Variants in PYM1 observed in about 807,000 individuals in gnomAD.
The protein encoded by PYM1 is PYM1 exon junction complex associated factor.
Under a neutral mutation model 20.7 loss-of-function variants are expected in PYM1, and 7 were observed. The observed-to-expected ratio is 0.34, with a 90% CI of 0.19 to 0.64. The LOEUF is 0.64. PYM1 is among the 30% of genes least tolerant of loss of function. The pLI, the probability that PYM1 is intolerant of heterozygous loss-of-function variation, is 0.74. For missense variants in PYM1, 194 were observed against 250.0 expected (o/e 0.78, Z 1.51); for synonymous variants, 100 against 99.2 (o/e 1.01, Z -0.05).
intron 1 of PYM1, among the ~76,000 whole-genome samples, chr12:55,904,997 A>T (rs77027542): frequency 0.16 from 24,631 of 151,158 alleles, 2,342 homozygotes; most frequent in Admixed American, 0.21. Context: ...ATATTTATTT[A>T]TATTTATTTA....
At chr12:55,926,931 C>T (rs1014193003) in intron 1 of PYM1, 1 of 859,162 alleles carries the variant, frequency 1.2e-6, no homozygotes, top group Non-Finnish European at 1.8e-6. Flanking sequence ...GGAGACACCC[C>T]GTAGGAGAGA....
rs764591757 is a variant in PYM1 at position 55,902,182 on chromosome 12, T to A, written c.305A>T (p.Glu102Val). The change falls in exon 3 of 3, where the codon GAG (glutamate) becomes GTG (valine). Residue 102 changes from glutamate (E) to valine (V), a missense_variant. Glu to Val is a moderately radical substitution (Grantham distance 121). Coordinates refer to ENST00000408946, the MANE Select transcript of PYM1 (RefSeq NM_032345.3). ...GCTCAAGGCCTCTGCCTCTCCTTTC[T>A]CTTGCTGCTGCCGCCTCTTCTCCTT... Reference protein sequence around the residue: ...KRKEKRRQQQEKGEAEALSRT... With the variant: ...KRKEKRRQQQVKGEAEALSRT... 6.2e-7 allele frequency: 1 copy of A among 1,614,136 alleles called. No individual in the cohort carries two copies. The highest frequency in any genetic ancestry group is 2.2e-5 in the East Asian group (1 of 44,866).
chr12:55,912,338 C>T (rs917058985), intron 1 of PYM1, among the ~76,000 whole-genome samples: 6 of 150,650 alleles, frequency 4.0e-5, no homozygotes, highest in South Asian at 4.2e-4. Context: ...GGTGATAGAG[C>T]GAGACTCCAC....
intron 1 of PYM1, among the ~76,000 whole-genome samples, chr12:55,922,004 G>A (rs971381145): frequency 6.6e-6 from 1 of 151,928 alleles, no homozygotes; most frequent in Admixed American, 6.6e-5. Flanking sequence ...TCCCTGAGTA[G>A]CTGGGACCAC....
At chr12:55,908,656 A>G (rs1882868317) in intron 1 of PYM1, among the ~76,000 whole-genome samples, 1 of 152,102 alleles carries the variant, frequency 6.6e-6, no homozygotes, top group Non-Finnish European at 1.5e-5. Context: ...GTTCGAGACC[A>G]GCCTGGCCAA....
intron 1 of PYM1, chr12:55,927,184 A>G (rs759588460): frequency 6.6e-7 from 1 of 1,525,378 alleles, no homozygotes; most frequent in Non-Finnish European, 8.9e-7. Flanking sequence ...TGGAGTCCCG[A>G]TCGTAGCAAG....
At chr12:55,923,851 G>A (rs1016642529) in intron 1 of PYM1, among the ~76,000 whole-genome samples, 6 of 152,066 alleles carry the variant, frequency 3.9e-5, no homozygotes, top group African/African-American at 1.2e-4. Flanking sequence ...GCCAAGGCTG[G>A]CAGATCACGA....
rs916739156 is a variant in PYM1, at chr12:55,927,881, T to A, written c.-120A>T. 62 of 1,335,056 alleles carry A rather than the reference T, an allele frequency of 4.6e-5. No homozygotes were observed. Among genetic ancestry groups the A allele is most frequent in the Non-Finnish European group, 6.1e-5 (61 of 993,762 alleles). 82.7% of individuals were successfully genotyped at this position (1,335,056 alleles called of 1,614,324 possible). ...GCCCTAGTTGCTTCTCGCCCAGACC[T>A]CCTAACCCTGAGTGCCTCCTCGGGC... On this transcript the variant is annotated 5_prime_UTR_variant, in exon 1 of 3. Coordinates refer to ENST00000408946, the MANE Select transcript of PYM1 (RefSeq NM_032345.3).
At chr12:55,913,089 A>C (rs1374762462) in intron 1 of PYM1, among the ~76,000 whole-genome samples, 1 of 152,180 alleles carries the variant, frequency 6.6e-6, no homozygotes, top group Non-Finnish European at 1.5e-5. Context: ...GCTTATCTTA[A>C]GTTCATTCCC....
intron 1 of PYM1, among the ~76,000 whole-genome samples, chr12:55,906,836 C>T (rs1882825237): frequency 2.6e-5 from 4 of 151,936 alleles, no homozygotes; most frequent in Admixed American, 6.6e-5. Flanking sequence ...TTAGTAGAGA[C>T]GGGATTTCTC....
At position 55,927,815 on chromosome 12, in the gene PYM1, C is replaced by A; in HGVS notation, c.-54G>T. Reference sequence around the variant, plus strand: ...CGGGCGGCCCTGGCCTGGCTCTGCCCCGCTGGGCGGCGCCGGGGATTCGGC... The same window carrying A: ...CGGGCGGCCCTGGCCTGGCTCTGCCACGCTGGGCGGCGCCGGGGATTCGGC... On this transcript the variant is annotated 5_prime_UTR_variant, in exon 1 of 3. Coordinates refer to ENST00000408946, the MANE Select transcript of PYM1 (RefSeq NM_032345.3). 1 of 1,522,126 alleles carries A rather than the reference C, an allele frequency of 6.6e-7. No individual in the cohort carries two copies. 94.3% of individuals were successfully genotyped at this position (1,522,126 alleles called of 1,614,324 possible).
intron 1 of PYM1, among the ~76,000 whole-genome samples, chr12:55,922,670 A>G (rs998198065): frequency 2.6e-5 from 4 of 152,056 alleles, no homozygotes; most frequent in African/African-American, 9.7e-5. Flanking sequence ...ATGTACCCTG[A>G]TACAATGTGA....
intron 1 of PYM1, among the ~76,000 whole-genome samples, chr12:55,910,716 T>C (rs1041523258): frequency 6.6e-6 from 1 of 152,064 alleles, no homozygotes; most frequent in Admixed American, 6.6e-5. Context: ...AGTGTTGGGA[T>C]TGCAGGCGTG....
At chr12:55,911,390 G>A (rs1882920108) in intron 1 of PYM1, among the ~76,000 whole-genome samples, 1 of 152,052 alleles carries the variant, frequency 6.6e-6, no homozygotes. Context: ...GAGATTATAG[G>A]TGTGAGTGAC....
chr12:55,922,969 T>C (rs1883125569), intron 1 of PYM1, among the ~76,000 whole-genome samples: 1 of 152,178 alleles, frequency 6.6e-6, no homozygotes, highest in Admixed American at 6.5e-5. Flanking sequence ...CTCACACCTG[T>C]AATCCCAGCA....
At chr12:55,920,531 G>A (rs1422776684) in intron 1 of PYM1, among the ~76,000 whole-genome samples, 3 of 151,116 alleles carry the variant, frequency 2.0e-5, no homozygotes, top group Admixed American at 6.6e-5. Flanking sequence ...CCAGCTACTC[G>A]GGAGGCTGAG....
chr12:55,911,158 G>T (rs1016099379), intron 1 of PYM1, among the ~76,000 whole-genome samples: 3 of 152,060 alleles, frequency 2.0e-5, no homozygotes, highest in Non-Finnish European at 2.9e-5. Flanking sequence ...GCCCAGGCTG[G>T]AGTGCAGTGG....
At chr12:55,911,709 C>T (rs563539325) in intron 1 of PYM1, among the ~76,000 whole-genome samples, 8 of 151,410 alleles carry the variant, frequency 5.3e-5, no homozygotes, top group African/African-American at 1.9e-4. Flanking sequence ...GGAGTGGTGG[C>T]GGGCGCCTGT....
chr12:55,927,622 G>T (rs1883219398), intron 1 of PYM1, 103 bp downstream of exon 1: 3 of 1,418,502 alleles, frequency 2.1e-6, no homozygotes, highest in South Asian at 2.5e-5. Context: ...CTAAGAAGGT[G>T]GGGAGGTCGA....
Sources: allele counts gnomAD v4.1 joint callset (sites outside exome capture counted in the v4.1 genomes callset), GRCh38; gene constraint gnomAD v4.1.1; transcripts MANE v1.5; gene names NCBI Gene and HGNC (gene_info 2026-07-23, HGNC 2026-07-21).